CNOT10: variants seen among roughly 807,000 people sequenced by gnomAD.
CNOT10 encodes CCR4-NOT transcription complex subunit 10, also known as CCR4-NOT transcription complex, subunit 10.
Under a neutral mutation model 94.6 loss-of-function variants are expected in CNOT10, and 30 were observed. The observed-to-expected ratio is 0.32, with a 90% CI of 0.24 to 0.43. The LOEUF is 0.43. Ranked by LOEUF, CNOT10 falls within the 20% of genes least tolerant of loss-of-function variation. The pLI, the probability that CNOT10 is intolerant of heterozygous loss-of-function variation, is 1.00. For synonymous variants in CNOT10, 289 were observed against 301.6 expected (o/e 0.96, Z 0.43); for missense variants, 759 against 877.2 (o/e 0.87, Z 1.70).
Position 32,704,826 on chromosome 3 carries a change from G to C in CNOT10, c.133G>C (p.Ala45Pro). Residue 45 changes from alanine (A) to proline (P), a missense_variant, in exon 3 of 19, where the codon GCC becomes CCC. Ala to Pro is a conservative substitution (Grantham distance 27). This residue lies in a region of CNOT10 where 682 missense variants were observed against 799.4 expected (regional missense o/e 0.85). Coordinates refer to ENST00000328834, the MANE Select transcript of CNOT10 (RefSeq NM_015442.3). ...TTTTTTTTAGTCTGGAAATTATGAT[G>C]CCTGTCTACAACACCTTGCCTGTCT... is the stretch of plus-strand genomic sequence containing the variant. The part of the protein sequence containing the change: ...FQAFTSGNYD[A>P]CLQHLACLQD... 6.4e-7 allele frequency: 1 copy of C among 1,555,918 alleles called. No individual in the cohort carries two copies. Among genetic ancestry groups the C allele is most frequent in the Admixed American group, 2.3e-5 (1 of 44,134 alleles).
chr3:32,764,321 A>T, intron 15 of CNOT10, 134 bp from the exon 16 acceptor site: 1 of 827,506 alleles, frequency 1.2e-6, no homozygotes, highest in South Asian at 1.8e-5. Flanking sequence ...TGGGCAACAG[A>T]GCGAGGCTCC....
chr3:32,732,339 G>A (rs1446200586), intron 10 of CNOT10, among the ~76,000 whole-genome samples: 4 of 151,858 alleles, frequency 2.6e-5, no homozygotes, highest in South Asian at 2.1e-4. Flanking sequence ...GCAGTGAGCC[G>A]AGACAACACC....
At chr3:32,708,636 T>C in intron 3 of CNOT10, 34 bp from the exon 4 acceptor site, 1 of 1,566,102 alleles carries the variant, frequency 6.4e-7, no homozygotes, top group Non-Finnish European at 8.6e-7. Context: ...ATTTCCTTAA[T>C]GTTAAAATAT....
intron 1 of CNOT10, among the ~76,000 whole-genome samples, chr3:32,702,216 C>T (rs1697386137): frequency 6.6e-6 from 1 of 152,250 alleles, no homozygotes; most frequent in Non-Finnish European, 1.5e-5. Context: ...GTGCCTCAGC[C>T]TCCCAAGTAG....
In CNOT10 at chr3:32,769,890, G is replaced by T. The variant is rs1559522285; in HGVS notation, c.2008G>T (p.Ala670Ser). The change falls in exon 18 of 19, where the codon GCT becomes TCT. Residue 670 changes from alanine to serine, a missense_variant. Physicochemically the swap from Ala to Ser is moderately conservative, Grantham distance 99. Coordinates refer to ENST00000328834, the MANE Select transcript of CNOT10 (RefSeq NM_015442.3). ...CATCTTTCTGTTTTGAGCAAAGGCG[G>T]CTTCAATGATCCATCCTAAAGAGGT... ...DKARKCLHQA[A>S]SMIHPKEVPP... The T allele has an allele frequency of 6.2e-7, 1 of 1,613,642 alleles. No individual in the cohort carries two copies. Among genetic ancestry groups the T allele is most frequent in the Middle Eastern group, 1.7e-4 (1 of 6,058 alleles).
Position 32,727,679 on chromosome 3 carries a change from TCAGGAAGACC to T in CNOT10, c.1027_1036del (p.Gly343CysfsTer5). On this transcript the variant is annotated frameshift_variant, in exon 10 of 19. Coordinates refer to ENST00000328834, the MANE Select transcript of CNOT10 (RefSeq NM_015442.3). LOFTEE classifies it high-confidence loss of function. ...ATTTTTATCACTAGGTAAAAAATTT[TCAGGAAGACC>T]CATGTGTACGTTACTAACCAATAAG... is the stretch of plus-strand genomic sequence containing the variant. 6.2e-7 allele frequency: 1 copy of T among 1,611,630 alleles called. No homozygotes were observed. Among genetic ancestry groups the T allele is most frequent in the Non-Finnish European group, 8.5e-7 (1 of 1,178,326 alleles).
chr3:32,753,375 T>A, intron 13 of CNOT10: 3 of 1,366,760 alleles, frequency 2.2e-6, no homozygotes, highest in Non-Finnish European at 3.1e-6. Context: ...ACACTTACGA[T>A]CAAGAATGTT....
intron 10 of CNOT10, among the ~76,000 whole-genome samples, chr3:32,731,518 A>G (rs562952845): frequency 6.6e-6 from 1 of 152,222 alleles, no homozygotes; most frequent in East Asian, 1.9e-4. Flanking sequence ...CTCTTCACTC[A>G]GGCTTGAGTG....
At chr3:32,703,793 A>C (rs868428560) in intron 1 of CNOT10, 75 bp from the exon 2 acceptor site, 4 of 989,738 alleles carry the variant, frequency 4.0e-6, no homozygotes, top group Non-Finnish European at 6.3e-6. Context: ...GAAACTGCAG[A>C]AAGTGAAACT....
intron 4 of CNOT10, among the ~76,000 whole-genome samples, chr3:32,712,455 G>A (rs371174815): frequency 9.2e-5 from 14 of 152,058 alleles, no homozygotes; most frequent in African/African-American, 3.1e-4. Flanking sequence ...TTTAACTTTG[G>A]AATATTTGCA....
At chr3:32,694,264 C>T (rs115752362) in intron 1 of CNOT10, among the ~76,000 whole-genome samples, 3,229 of 151,346 alleles carry the variant, frequency 0.021, 63 homozygotes, top group Middle Eastern at 0.075. Context: ...AAGTAGTTAA[C>T]ATTTTATGTT....
chr3:32,727,349 G>A (rs1459475820), intron 9 of CNOT10, among the ~76,000 whole-genome samples: 1 of 152,108 alleles, frequency 6.6e-6, no homozygotes, highest in Non-Finnish European at 1.5e-5. Context: ...AAGTAAAAAT[G>A]TAGAAAAGTA....
chr3:32,734,818 C>A lies in CNOT10; in HGVS notation c.1356C>A (p.Ala452=), dbSNP rs1559500346. The stretch of plus-strand genomic sequence containing the variant: ...TTTTAAGTGATGGGCAGTCTTCGGC[C>A]ATTCCTGTAGCCAGTATGGAGTTTG... ...NTVYNDGQSS[A]IPVASMEFAA... is the part of the protein sequence containing the mutation. The change falls in exon 12 of 19, where the codon GCC becomes GCA. Residue 452 remains alanine, a synonymous_variant. Transcript: ENST00000328834. 6.2e-7 allele frequency: 1 copy of A among 1,609,220 alleles called. No homozygotes were observed. The highest frequency in any genetic ancestry group is 2.2e-5 in the East Asian group (1 of 44,822).
At chr3:32,726,817 A>G (rs921311568) in intron 9 of CNOT10, among the ~76,000 whole-genome samples, 1 of 149,748 alleles carries the variant, frequency 6.7e-6, no homozygotes, top group East Asian at 2.0e-4. Context: ...CATGACAATA[A>G]AATGGTTAAC....
At chr3:32,733,632 T>C (rs1699052302) in intron 11 of CNOT10, 88 bp downstream of exon 11, 1 of 921,746 alleles carries the variant, frequency 1.1e-6, no homozygotes, top group Non-Finnish European at 1.5e-6. Flanking sequence ...TTAGGATTTA[T>C]CATTGCATAG....
At chr3:32,746,245 G>A (rs1699695820) in intron 13 of CNOT10, among the ~76,000 whole-genome samples, 1 of 152,178 alleles carries the variant, frequency 6.6e-6, no homozygotes, top group Non-Finnish European at 1.5e-5. Flanking sequence ...TGGCACCAGG[G>A]ACCAGGATCA....
intron 12 of CNOT10, 144 bp downstream of exon 12, chr3:32,735,120 GTTT>G: frequency 1.4e-6 from 1 of 697,920 alleles, no homozygotes; most frequent in Non-Finnish European, 2.4e-6. Flanking sequence ...AAGTATTTAT[GTTT>G]CTGAGTCTTT....
chr3:32,692,711 T>G (rs1696900650), intron 1 of CNOT10, among the ~76,000 whole-genome samples: 1 of 152,200 alleles, frequency 6.6e-6, no homozygotes, highest in African/African-American at 2.4e-5. Flanking sequence ...CTAGTTCTAT[T>G]GTAGTTTCTA....
intron 2 of CNOT10, 91 bp downstream of exon 2, chr3:32,704,053 A>G: frequency 1.4e-6 from 1 of 727,198 alleles, no homozygotes; most frequent in Non-Finnish European, 2.3e-6. Flanking sequence ...TACAATTTTT[A>G]CTCTGTAATA....
Sources: allele counts gnomAD v4.1 joint callset (sites outside exome capture counted in the v4.1 genomes callset), GRCh38; gene constraint gnomAD v4.1.1; regional missense constraint gnomAD v4.1.1; transcripts MANE v1.5; gene names NCBI Gene and HGNC (gene_info 2026-07-23, HGNC 2026-07-21).